The following RHOH variants were observed in gnomAD, a reference collection of about 807,000 sequenced individuals.
RHOH encodes ras homolog family member H.
In RHOH, 6 loss-of-function variants were observed where a neutral mutation model predicts 13.8. The ratio of observed to expected loss-of-function variants is 0.44; its 90% CI spans 0.24 to 0.86. The LOEUF (loss-of-function observed/expected upper bound fraction) is 0.86, where lower values mean the gene tolerates loss of function less well. RHOH is among the 40% of genes least tolerant of loss of function. The pLI is 0.24. For synonymous variants in RHOH, 117 were observed against 103.0 expected (o/e 1.14, Z -0.82); for missense variants, 147 against 244.5 (o/e 0.60, Z 2.66).
rs1297889464 is a variant in RHOH at position 40,245,341 on chromosome 4, G to C, written c.*1379G>C. ...TCACGAGGCCAGGAGTTCAAGACCAGCCTGGCCAACATGGTGAAACCCCGT... is the reference window on the plus strand; with the variant it reads ...TCACGAGGCCAGGAGTTCAAGACCACCCTGGCCAACATGGTGAAACCCCGT... On this transcript the variant is annotated 3_prime_UTR_variant, in exon 3 of 3. Coordinates refer to ENST00000381799, the MANE Select transcript of RHOH (RefSeq NM_004310.5). 1 of 152,048 alleles carries C rather than the reference G, an allele frequency of 6.6e-6. No individual in the cohort carries two copies. The highest frequency in any genetic ancestry group is 1.5e-5 in the Non-Finnish European group (1 of 68,034). The allele number at this position is 152,048 out of a possible 1,614,324, so 9.4% of individuals were successfully genotyped here.
chr4:40,200,825 A>G (rs1248997914), intron 1 of RHOH, among the ~76,000 whole-genome samples: 1 of 152,222 alleles, frequency 6.6e-6, no homozygotes, highest in African/African-American at 2.4e-5. Flanking sequence ...GGGCAGCCCA[A>G]AGAGGGGATG....
chr4:40,239,808 T>C (rs891282064), intron 1 of RHOH, among the ~76,000 whole-genome samples: 3 of 151,630 alleles, frequency 2.0e-5, no homozygotes, highest in African/African-American at 7.3e-5. Context: ...AACCCGGGAG[T>C]TGGAGGTTGC....
intron 1 of RHOH, among the ~76,000 whole-genome samples, chr4:40,206,159 C>A (rs1456527064): frequency 6.6e-6 from 1 of 152,218 alleles, no homozygotes; most frequent in Non-Finnish European, 1.5e-5. Flanking sequence ...GTTGCCCATG[C>A]AGAGAATGGA....
At chr4:40,194,728 T>A (rs28587709), upstream of RHOH, among the ~76,000 whole-genome samples, 1 of 152,180 alleles carries the variant, frequency 6.6e-6, no homozygotes, top group Non-Finnish European at 1.5e-5. Flanking sequence ...AGTGGTGCTG[T>A]GGGGTGGCAC....
chr4:40,242,443 G>A (rs1729366257), intron 1 of RHOH, among the ~76,000 whole-genome samples: 1 of 152,198 alleles, frequency 6.6e-6, no homozygotes, highest in Non-Finnish European at 1.5e-5. Context: ...TGTAAGCTGA[G>A]GTGTGGAGTT....
At chr4:40,203,018 C>G (rs1470013697) in intron 1 of RHOH, among the ~76,000 whole-genome samples, 4 of 152,124 alleles carry the variant, frequency 2.6e-5, no homozygotes, top group African/African-American at 7.2e-5. Flanking sequence ...GTTGCCCAGG[C>G]TGGAGTGCAG....
At chr4:40,215,059 G>A (rs1725715687) in intron 1 of RHOH, among the ~76,000 whole-genome samples, 1 of 152,190 alleles carries the variant, frequency 6.6e-6, no homozygotes, top group African/African-American at 2.4e-5. Flanking sequence ...AGATTTCTGA[G>A]GGTAAGAGGT....
At chr4:40,193,506 G>GAGAGAGAGAA (rs1429802761), upstream of RHOH, 1 of 144,326 alleles carries the variant, frequency 6.9e-6, no homozygotes, top group African/African-American at 2.6e-5. Context: ...GAGAGAGAGA[G>GAGAGAGAGAA]AGGAGAGGAG....
intron 1 of RHOH, among the ~76,000 whole-genome samples, chr4:40,223,767 GTTTTTT>G (rs56144023): frequency 1.2e-5 from 1 of 83,928 alleles, no homozygotes; most frequent in African/African-American, 5.0e-5. Context: ...AACATAACTT[GTTTTTT>G]TTTTTTTTTT....
At chr4:40,237,937 T>C (rs553058823) in intron 1 of RHOH, among the ~76,000 whole-genome samples, 1 of 152,342 alleles carries the variant, frequency 6.6e-6, no homozygotes, top group Admixed American at 6.5e-5. Context: ...TGTATTGTTC[T>C]AAAAAGACTT....
chr4:40,230,067 C>A (rs554735846), intron 1 of RHOH, among the ~76,000 whole-genome samples: 1 of 151,470 alleles, frequency 6.6e-6, no homozygotes, highest in African/African-American at 2.4e-5. Flanking sequence ...TTTTTTGAGA[C>A]GGAGTCTCAC....
upstream of RHOH, among the ~76,000 whole-genome samples, chr4:40,192,211 G>A (rs748353080): frequency 4.6e-5 from 7 of 152,106 alleles, no homozygotes; most frequent in Admixed American, 1.3e-4. Context: ...ATTGCAATAC[G>A]ACTAATGGCC....
intron 1 of RHOH, among the ~76,000 whole-genome samples, chr4:40,220,915 G>A (rs1726481521): frequency 6.6e-6 from 1 of 152,150 alleles, no homozygotes. Flanking sequence ...ATCAGAAGCT[G>A]AGCATCTAAG....
chr4:40,214,000 G>T (rs1442266879), intron 1 of RHOH, among the ~76,000 whole-genome samples: 3 of 152,086 alleles, frequency 2.0e-5, no homozygotes, highest in African/African-American at 7.2e-5. Flanking sequence ...CAAGTGATCT[G>T]CCCGCCTCAG....
chr4:40,206,019 T>C (rs1217922836), intron 1 of RHOH, among the ~76,000 whole-genome samples: 2 of 152,224 alleles, frequency 1.3e-5, no homozygotes, highest in African/African-American at 4.8e-5. Flanking sequence ...AATAATAATA[T>C]TGCATCATAC....
rs150361440 is a variant in RHOH at position 40,224,075 on chromosome 4, A to G, written c.-330-18639A>G. ...GCTCGAGCCACTGCTCCTGGCCAAC[A>G]TAACTTTTATGTGCACTAGGAAACA... On this transcript the variant is annotated intron_variant, in intron 1 of 2. Coordinates refer to ENST00000381799, the MANE Select transcript of RHOH (RefSeq NM_004310.5). Among the ~76,000 whole-genome samples, 56 of 152,248 alleles carry G rather than the reference A, an allele frequency of 3.7e-4. No homozygotes were observed. The East Asian group carries it at 9.1e-3, about 25-fold the overall frequency.
At chr4:40,196,109 T>C (rs1427856862), upstream of RHOH, among the ~76,000 whole-genome samples, 1 of 152,148 alleles carries the variant, frequency 6.6e-6, no homozygotes, top group Non-Finnish European at 1.5e-5. Flanking sequence ...AAAATAATAT[T>C]GATGTCCGGT....
At chr4:40,237,942 A>C (rs745781152) in intron 1 of RHOH, among the ~76,000 whole-genome samples, 1 of 152,254 alleles carries the variant, frequency 6.6e-6, no homozygotes, top group African/African-American at 2.4e-5. Flanking sequence ...TGTTCTAAAA[A>C]GACTTTCTCG....
rs143864524 is a variant in RHOH, at chr4:40,198,240, G to T, written c.-331+940G>T. On this transcript the variant is annotated intron_variant, in intron 1 of 2. Transcript: ENST00000381799. ...GGGCTTTGGAAGAATGCGAAGTGTC[G>T]GTAGAAGGAGAAGGGGCAGGTGATT... is the stretch of plus-strand genomic sequence containing the variant. Among the ~76,000 whole-genome samples, 7 of 152,284 alleles carry T rather than the reference G, an allele frequency of 4.6e-5. No individual in the cohort carries two copies. The East Asian group carries it at 1.4e-3, about 29-fold the overall frequency.
Sources: allele counts gnomAD v4.1 joint callset (sites outside exome capture counted in the v4.1 genomes callset), GRCh38; gene constraint gnomAD v4.1.1; transcripts MANE v1.5; gene names NCBI Gene and HGNC (gene_info 2026-07-23, HGNC 2026-07-21).